The following DNAH2 variants were observed in gnomAD, a reference collection of about 807,000 sequenced individuals.
DNAH2 encodes the protein dynein axonemal heavy chain 2.
In DNAH2, 323 loss-of-function variants were observed where a neutral mutation model predicts 523.5. The ratio of observed to expected loss-of-function variants is 0.62; its 90% CI spans 0.56 to 0.68. DNAH2 has a LOEUF of 0.68. DNAH2 is among the 30% of genes least tolerant of loss of function. The pLI is 0.00. For synonymous variants in DNAH2, 2,093 were observed against 2,177.4 expected (o/e 0.96, Z 1.08); for missense variants, 4,907 against 5,701.5 (o/e 0.86, Z 4.49).
chr17:7,804,679 C>T (rs1268579383), intron 59 of DNAH2, among the ~76,000 whole-genome samples: 3 of 152,112 alleles, frequency 2.0e-5, no homozygotes, highest in African/African-American at 7.2e-5. Context: ...AACCCTGTCT[C>T]TACTAAAAAT....
chr17:7,819,235 A>C lies in DNAH2; in HGVS notation c.10842A>C (p.Ala3614=), dbSNP rs2077783384. 2 of 1,613,958 alleles carry C rather than the reference A, an allele frequency of 1.2e-6. No individual in the cohort carries two copies. Among genetic ancestry groups the C allele is most frequent in the Non-Finnish European group, 1.7e-6 (2 of 1,180,038 alleles). Residue 3614 remains alanine, a synonymous_variant, in exon 72 of 86, where the codon GCA becomes GCC. Coordinates refer to ENST00000572933, the MANE Select transcript of DNAH2 (RefSeq NM_020877.5). ...REAYRPCAQR[A]SILFFVLNDM... The stretch of plus-strand genomic sequence containing the variant: ...CTTACCGCCCATGCGCCCAGCGGGC[A>C]TCAATCCTGTTCTTCGTGCTCAATG...
chr17:7,794,197 C>T (rs758308806), intron 48 of DNAH2, 57 bp from the exon 49 acceptor site: 9 of 1,312,548 alleles, frequency 6.9e-6, no homozygotes, highest in African/African-American at 6.1e-5. Flanking sequence ...CCTGTGTCGG[C>T]GCCTCTCTTG....
chr17:7,721,438 TGCTGGGATTACAG>T (rs2074603708), intron 2 of DNAH2, among the ~76,000 whole-genome samples: 1 of 151,942 alleles, frequency 6.6e-6, no homozygotes, highest in South Asian at 2.1e-4. Context: ...CCTCCCAAAG[TGCTGGGATTACAG>T]GCGTGAGCCA....
rs753999847 is a variant in DNAH2, at chr17:7,816,544, G to T, written c.9730-27G>T. 8.7e-6 allele frequency: 14 copies of T among 1,612,696 alleles called. No homozygotes were observed. In the South Asian group the frequency reaches 1.4e-4, roughly 16 times the overall value. ...CAATCTGGCTGCGAGCCCTGTGTTT[G>T]ATGCGCTATACTCGAATCTCTCCCA... is the stretch of plus-strand genomic sequence containing the variant. On this transcript the variant is annotated intron_variant, in intron 63 of 85. Coordinates refer to ENST00000572933, the MANE Select transcript of DNAH2 (RefSeq NM_020877.5).
rs758013213 is a variant in DNAH2 at position 7,805,412 on chromosome 17, A to G, written c.9442+19A>G. On this transcript the variant is annotated intron_variant, in intron 61 of 85. Coordinates refer to ENST00000572933, the MANE Select transcript of DNAH2 (RefSeq NM_020877.5). ...CAGCTAGGTAAGCTAGAGACAATGA[A>G]ATCAATGACTTCCACTCACCCAGTG... The G allele has an allele frequency of 6.2e-7, 1 of 1,613,894 alleles. No homozygotes were observed. Among genetic ancestry groups the G allele is most frequent in the Admixed American group, 1.7e-5 (1 of 60,016 alleles).
At position 7,818,690 on chromosome 17, in the gene DNAH2, T is replaced by A. The variant is rs2077757962; in HGVS notation, c.10584T>A (p.Pro3528=). ...LLGIVVRKER[P]ELEEQKDSLV... is the part of the protein sequence containing the mutation. ...GCATTGTGGTGCGGAAGGAGCGGCC[T>A]GAGCTGGAGGAGCAGAAGGACTCAC... Residue 3528 remains proline, a synonymous_variant, in exon 70 of 86, where the codon CCT becomes CCA. Transcript: ENST00000572933. 6.2e-7 allele frequency: 1 copy of A among 1,613,986 alleles called. No individual in the cohort carries two copies. Among genetic ancestry groups the A allele is most frequent in the Middle Eastern group, 1.7e-4 (1 of 6,060 alleles).
rs1193974296 is a variant in DNAH2, at chr17:7,819,376, C to T, written c.10983C>T (p.Tyr3661=). The change falls in exon 72 of 86, where the codon TAC becomes TAT. Residue 3661 remains tyrosine, a synonymous_variant. Transcript: ENST00000572933. The part of the protein sequence containing the change: ...RSNKLEDRID[Y]LNDYHTYAVY... ...ATAAGCTGGAGGACCGCATTGACTA[C>T]CTGAATGACTACCACACCTACGCTG... The T allele has an allele frequency of 6.2e-7, 1 of 1,614,268 alleles. No individual in the cohort carries two copies. The highest frequency in any genetic ancestry group is 8.5e-7 in the Non-Finnish European group (1 of 1,180,052).
At position 7,821,174 on chromosome 17, in the gene DNAH2, T is replaced by C. The variant is rs2077841644; in HGVS notation, c.11016-69T>C. 1.9e-6 allele frequency: 3 copies of C among 1,564,636 alleles called. No individual in the cohort carries two copies. Among genetic ancestry groups the C allele is most frequent in the Non-Finnish European group, 2.6e-6 (3 of 1,151,014 alleles). ...GTGAAGCTGTGTGATAGTAGCATCA[T>C]AGCATTCGCATGGAGCATCAGCCCC... On this transcript the variant is annotated intron_variant, in intron 72 of 85. Coordinates refer to ENST00000572933, the MANE Select transcript of DNAH2 (RefSeq NM_020877.5). The surrounding 1 kb of genome is among the most constrained non-coding windows in gnomAD (Gnocchi z 5.0).
intron 28 of DNAH2, among the ~76,000 whole-genome samples, chr17:7,774,218 A>G (rs1054249909): frequency 6.6e-6 from 1 of 152,148 alleles, no homozygotes; most frequent in African/African-American, 2.4e-5. Flanking sequence ...GAACACAGGC[A>G]CTGCTGTGAT....
intron 12 of DNAH2, among the ~76,000 whole-genome samples, chr17:7,750,147 G>C (rs1291181764): frequency 6.6e-6 from 1 of 152,062 alleles, no homozygotes; most frequent in East Asian, 1.9e-4. Flanking sequence ...GCCTCCCAAA[G>C]TGCTGGGATT....
At chr17:7,818,212 T>C in intron 68 of DNAH2, 100 bp from the exon 69 acceptor site, 1 of 1,595,568 alleles carries the variant, frequency 6.3e-7, no homozygotes, top group Non-Finnish European at 8.5e-7. Flanking sequence ...GCCTGGGGCC[T>C]TAGGACAGGC....
rs146529121 is a variant in DNAH2 at position 7,804,557 on chromosome 17, C to G, written c.9183+91C>G. ...CCATGTTCCCCCCTTCTTAAATTTT[C>G]TTTAGTGACTGGGTGCAGTGGCTCA... On this transcript the variant is annotated intron_variant, in intron 59 of 85. Transcript: ENST00000572933. The G allele has an allele frequency of 8.1e-4, 1,157 of 1,434,590 alleles. 10 individuals carry two copies. The African/African-American group carries it at 0.015, about 19-fold the overall frequency. The allele number at this position is 1,434,590 out of a possible 1,614,324, so 88.9% of individuals were successfully genotyped here.
chr17:7,771,590 A>C, intron 28 of DNAH2, 122 bp downstream of exon 28: 2 of 1,076,900 alleles, frequency 1.9e-6, no homozygotes, highest in Non-Finnish European at 2.6e-6. Context: ...TCCCATCTCC[A>C]TCACCTCTTC....
At chr17:7,744,525 A>G (rs1425810277) in intron 12 of DNAH2, among the ~76,000 whole-genome samples, 7 of 152,074 alleles carry the variant, frequency 4.6e-5, no homozygotes, top group Admixed American at 1.3e-4. Context: ...GGGGTGAGGC[A>G]GAGGCATCAG....
Position 7,807,591 on chromosome 17 carries a change from G to C in DNAH2, c.9729+5G>C. On this transcript the variant is annotated splice_donor_5th_base_variant and intron_variant, in intron 63 of 85. Coordinates refer to ENST00000572933, the MANE Select transcript of DNAH2 (RefSeq NM_020877.5). This position sits in a 1 kb window ranked among gnomAD's most constrained non-coding sequence, Gnocchi z 5.6. ...GCCCAGGAGAAGCTGCGGGAGGTGAGCTGATCGCCTGTCCTTTCCACGGAG... is the reference window on the plus strand; with the variant it reads ...GCCCAGGAGAAGCTGCGGGAGGTGACCTGATCGCCTGTCCTTTCCACGGAG... The C allele has an allele frequency of 6.2e-7, 1 of 1,609,124 alleles. No individual in the cohort carries two copies. The highest frequency in any genetic ancestry group is 8.5e-7 in the Non-Finnish European group (1 of 1,179,212).
In DNAH2 at chr17:7,828,974, C is replaced by T. The variant is rs2078093098; in HGVS notation, c.11854-1326C>T. Among the ~76,000 whole-genome samples, 1 of 151,336 alleles carries T rather than the reference C, an allele frequency of 6.6e-6. No individual in the cohort carries two copies. The highest frequency in any genetic ancestry group is 2.1e-4 in the South Asian group (1 of 4,832). Reference sequence around the variant, plus strand: ...CTGTCCTACTCAAGATAGAGACTGGCTCCATGATGCCCGGTGAATCAAGTC... The same window carrying T: ...CTGTCCTACTCAAGATAGAGACTGGTTCCATGATGCCCGGTGAATCAAGTC... On this transcript the variant is annotated intron_variant, in intron 77 of 85. Coordinates refer to ENST00000572933, the MANE Select transcript of DNAH2 (RefSeq NM_020877.5). This position sits in a 1 kb window ranked among gnomAD's most constrained non-coding sequence, Gnocchi z 4.1.
At chr17:7,776,326 T>G (rs1184353763) in intron 31 of DNAH2, among the ~76,000 whole-genome samples, 177 bp downstream of exon 31, 1 of 151,962 alleles carries the variant, frequency 6.6e-6, no homozygotes, top group Non-Finnish European at 1.5e-5. Flanking sequence ...AATTATCTGG[T>G]GTGGTGGTGT....
intron 28 of DNAH2, among the ~76,000 whole-genome samples, chr17:7,772,174 C>T (rs1183438698): frequency 2.0e-5 from 3 of 152,072 alleles, no homozygotes; most frequent in African/African-American, 7.2e-5. Context: ...GGTTTGACAG[C>T]GGGCACCTAG....
intron 4 of DNAH2, among the ~76,000 whole-genome samples, chr17:7,727,617 G>A (rs1405623750): frequency 1.3e-5 from 2 of 152,098 alleles, no homozygotes; most frequent in Admixed American, 6.6e-5. Context: ...TTAGCCAGAC[G>A]TGGTGGTGCA....
Sources: allele counts gnomAD v4.1 joint callset (sites outside exome capture counted in the v4.1 genomes callset), GRCh38; gene constraint gnomAD v4.1.1; non-coding constraint Gnocchi (gnomAD v3.1); transcripts MANE v1.5; gene names NCBI Gene and HGNC (gene_info 2026-07-23, HGNC 2026-07-21).